SEC23A: variants seen among roughly 807,000 people sequenced by gnomAD.
SEC23A encodes protein transport protein Sec23A.
A neutral mutation model predicts 103.7 loss-of-function variants in SEC23A; 56 were observed. The observed-to-expected ratio is 0.54, with a 90% CI of 0.44 to 0.67. The LOEUF (loss-of-function observed/expected upper bound fraction) is 0.67, where lower values mean the gene tolerates loss of function less well. Among genes scored for constraint, SEC23A ranks in the 30% least tolerant of loss-of-function variants. The probability of loss-of-function intolerance (pLI) is 0.00; values close to 1 mark genes in which losing one functional copy is unlikely to be tolerated. For missense variants in SEC23A, 784 were observed against 936.4 expected (o/e 0.84, Z 2.12); for synonymous variants, 281 against 293.0 (o/e 0.96, Z 0.42).
intron 7 of SEC23A, among the ~76,000 whole-genome samples, chr14:39,081,015 G>A (rs1887207558): frequency 6.6e-6 from 1 of 152,004 alleles, no homozygotes; most frequent in Non-Finnish European, 1.5e-5. Context: ...GACCTGTCTG[G>A]GCAACATGGC....
intron 17 of SEC23A, among the ~76,000 whole-genome samples, chr14:39,041,794 G>A (rs1409060361): frequency 2.0e-5 from 3 of 151,308 alleles, no homozygotes; most frequent in Admixed American, 6.6e-5. Flanking sequence ...GCTGGAACCC[G>A]GGAGGCAGAG....
intron 13 of SEC23A, 88 bp downstream of exon 13, chr14:39,061,677 G>T: frequency 1.2e-6 from 1 of 855,936 alleles, no homozygotes. Context: ...TGCTAGTCAT[G>T]GATGTCACCC....
chr14:39,035,003 G>A (rs974775534), intron 19 of SEC23A, among the ~76,000 whole-genome samples: 1 of 152,122 alleles, frequency 6.6e-6, no homozygotes, highest in African/African-American at 2.4e-5. Context: ...CTTGGTTACT[G>A]TTATTTCCTT....
intron 5 of SEC23A, among the ~76,000 whole-genome samples, 173 bp from the exon 6 acceptor site, chr14:39,087,181 T>C (rs1887473978): frequency 6.6e-6 from 1 of 152,080 alleles, no homozygotes; most frequent in Non-Finnish European, 1.5e-5. Flanking sequence ...AAGAAAACAA[T>C]AACACAAAAT....
intron 1 of SEC23A, among the ~76,000 whole-genome samples, chr14:39,098,335 T>C (rs1389800953): frequency 6.6e-6 from 1 of 152,138 alleles, no homozygotes; most frequent in East Asian, 1.9e-4. Context: ...GTTACTGATG[T>C]GAATATAAAT....
Position 39,040,762 on chromosome 14 carries a change from T to C in SEC23A, c.2112A>G (p.Arg704=). The C allele has an allele frequency of 6.2e-7, 1 of 1,614,224 alleles. No individual in the cohort carries two copies. Among genetic ancestry groups the C allele is most frequent in the Non-Finnish European group, 8.5e-7 (1 of 1,180,038 alleles). ...EILHSRFPMP[R]YIDTEHGGSQ... ...TGCCTCCATGTTCAGTGTCAATGTA[T>C]CTTGGCATTGGAAATCTGGAGTGAA... The change falls in exon 18 of 20, where the codon AGA becomes AGG. Residue 704 remains arginine (R), a synonymous_variant. Transcript: ENST00000307712.
At chr14:39,100,149 T>G (rs1460366646) in intron 1 of SEC23A, among the ~76,000 whole-genome samples, 4 of 152,206 alleles carry the variant, frequency 2.6e-5, no homozygotes, top group Admixed American at 2.0e-4. Flanking sequence ...TCAATCTCCC[T>G]GCTCTAAGAT....
chr14:39,059,292 A>ACAAAAC (rs1886377765), intron 13 of SEC23A, among the ~76,000 whole-genome samples: 1 of 112,258 alleles, frequency 8.9e-6, no homozygotes, highest in Admixed American at 8.3e-5. Context: ...AAAAAAAAAA[A>ACAAAAC]AAAAAAAAAA....
chr14:39,069,222 T>C lies in SEC23A; in HGVS notation c.1104-1926A>G, dbSNP rs1441675401. ...CACCATCTGTGCTACCATCACTTGG[T>C]ATTCTTACATCCCTATACTCTACAA... On this transcript the variant is annotated intron_variant, in intron 9 of 19. Transcript: ENST00000307712. Among the ~76,000 whole-genome samples the C allele has an allele frequency of 2.0e-5, 3 of 152,342 alleles. No homozygotes were observed. In the East Asian group the frequency reaches 5.8e-4, roughly 29 times the overall value.
chr14:39,074,623 A>G (rs1886952873), intron 8 of SEC23A, 93 bp from the exon 9 acceptor site: 2 of 714,970 alleles, frequency 2.8e-6, no homozygotes, highest in Non-Finnish European at 4.9e-6. Flanking sequence ...GGACTAAAAG[A>G]GTAACTCATA....
At chr14:39,084,423 C>G (rs1887354519) in intron 7 of SEC23A, among the ~76,000 whole-genome samples, 1 of 152,154 alleles carries the variant, frequency 6.6e-6, no homozygotes, top group Admixed American at 6.5e-5. Context: ...TCTGGGTGAA[C>G]TTCTTTCCAG....
At chr14:39,099,197 T>TC (rs1887999647) in intron 1 of SEC23A, among the ~76,000 whole-genome samples, 1 of 141,358 alleles carries the variant, frequency 7.1e-6, no homozygotes, top group South Asian at 2.3e-4. Context: ...TCTCACTCTG[T>TC]CACCAGGCTG....
intron 11 of SEC23A, chr14:39,064,417 A>G (rs1012046486): frequency 3.2e-5 from 5 of 154,562 alleles, no homozygotes; most frequent in African/African-American, 7.2e-5. Flanking sequence ...TTCTGGTATC[A>G]AAAATCAATT....
intron 5 of SEC23A, among the ~76,000 whole-genome samples, chr14:39,088,884 A>C (rs1254403020): frequency 6.7e-6 from 1 of 149,308 alleles, no homozygotes; most frequent in Non-Finnish European, 1.5e-5. Flanking sequence ...AAATACAAAA[A>C]TTGGCCAGGC....
chr14:39,091,244 TTTGAC>T (rs1178259805), intron 5 of SEC23A: 5 of 541,292 alleles, frequency 9.2e-6, no homozygotes, highest in Admixed American at 6.4e-5. Context: ...ATACTGTTGG[TTTGAC>T]TTTAAATTTT....
chr14:39,063,865 G>A (rs12883061), intron 11 of SEC23A, among the ~76,000 whole-genome samples: 46,229 of 151,522 alleles, frequency 0.31, 7,377 homozygotes, highest in Middle Eastern at 0.39. Context: ...GCATGCTGGC[G>A]GACGCCTGTA....
intron 5 of SEC23A, among the ~76,000 whole-genome samples, chr14:39,089,774 T>C (rs1347334738): frequency 3.9e-5 from 6 of 152,118 alleles, no homozygotes; most frequent in East Asian, 3.9e-4. Flanking sequence ...CTGGCCAACA[T>C]AGTGAAACCA....
intron 9 of SEC23A, among the ~76,000 whole-genome samples, chr14:39,070,668 G>T (rs1886812839): frequency 6.6e-6 from 1 of 152,168 alleles, no homozygotes; most frequent in South Asian, 2.1e-4. Flanking sequence ...ACATTTTCAT[G>T]AGAGTTTTTG....
chr14:39,085,687 T>TACACACACACACACACAC lies in SEC23A; in HGVS notation c.828+74_828+75insGTGTGTGTGTGTGTGTGT, dbSNP rs1276785608. ...GGTTCTTCTTATCCTTATAATTATA[T>TACACACACACACACACAC]ATACACACACACACACACACACACA... On this transcript the variant is annotated intron_variant, in intron 7 of 19. Transcript: ENST00000307712. 44 of 1,179,340 alleles carry TACACACACACACACACAC rather than the reference T, an allele frequency of 3.7e-5. No individual in the cohort carries two copies. The Middle Eastern group carries it at 6.7e-4, about 18-fold the overall frequency. 73.1% of individuals were successfully genotyped at this position (1,179,340 alleles called of 1,614,324 possible).
Sources: allele counts gnomAD v4.1 joint callset (sites outside exome capture counted in the v4.1 genomes callset), GRCh38; gene constraint gnomAD v4.1.1; transcripts MANE v1.5; gene names NCBI Gene and HGNC (gene_info 2026-07-23, HGNC 2026-07-21).